Variants in DLG2 observed in about 807,000 individuals in gnomAD.
DLG2 encodes disks large homolog 2.
DLG2 carries 45 observed loss-of-function variants against 132.5 expected under a neutral mutation model. The observed-to-expected ratio is 0.34, with a 90% CI of 0.27 to 0.44. The LOEUF is 0.44. Ranked by LOEUF, DLG2 falls within the 20% of genes least tolerant of loss-of-function variation. The pLI is 1.00. For missense variants in DLG2, 1,045 were observed against 1,196.9 expected (o/e 0.87, Z 1.87); for synonymous variants, 424 against 419.6 (o/e 1.01, Z -0.13).
At chr11:84,660,811 A>C (rs546231512) in intron 6 of DLG2, among the ~76,000 whole-genome samples, 86 of 152,294 alleles carry the variant, frequency 5.6e-4, no homozygotes, top group African/African-American at 1.9e-3. Context: ...CCTTCTGACA[A>C]AGGCAAGGTG....
intron 3 of DLG2, among the ~76,000 whole-genome samples, chr11:85,352,622 C>A (rs973804169): frequency 6.6e-6 from 1 of 152,120 alleles, no homozygotes; most frequent in African/African-American, 2.4e-5. Flanking sequence ...CAGCATGGTA[C>A]TGGTACCAAA....
At chr11:85,367,343 A>G (rs1393313870) in intron 3 of DLG2, among the ~76,000 whole-genome samples, 1 of 152,106 alleles carries the variant, frequency 6.6e-6, no homozygotes, top group African/African-American at 2.4e-5. Context: ...GTTTACTTAA[A>G]CTTTCTCTAC....
chr11:84,182,367 TAAA>T (rs35822865), intron 8 of DLG2, among the ~76,000 whole-genome samples: 1 of 139,866 alleles, frequency 7.1e-6, no homozygotes, highest in African/African-American at 2.6e-5. Flanking sequence ...CCCCAACTCC[TAAA>T]AAAAAAAAAA....
At chr11:84,663,065 G>A (rs2099696296) in intron 6 of DLG2, among the ~76,000 whole-genome samples, 1 of 151,854 alleles carries the variant, frequency 6.6e-6, no homozygotes, top group South Asian at 2.1e-4. Context: ...TTTATTACCG[G>A]AAAATACATT....
At chr11:85,262,883 A>AT (rs759406687) in intron 4 of DLG2, among the ~76,000 whole-genome samples, 1 of 152,162 alleles carries the variant, frequency 6.6e-6, no homozygotes, top group Non-Finnish European at 1.5e-5. Flanking sequence ...CAGCCATGCT[A>AT]TGTTACATGA....
chr11:83,726,748 A>AAAAC (rs60924473), intron 18 of DLG2, among the ~76,000 whole-genome samples: 23,963 of 150,230 alleles, frequency 0.16, 1,994 homozygotes, highest in South Asian at 0.18. Flanking sequence ...GATCTGCCTG[A>AAAAC]AAACAAACAA....
At chr11:84,895,271 T>A (rs539991315) in intron 6 of DLG2, among the ~76,000 whole-genome samples, 1 of 152,106 alleles carries the variant, frequency 6.6e-6, no homozygotes, top group Non-Finnish European at 1.5e-5. Flanking sequence ...TGGAACCACA[T>A]TGATGCTATT....
chr11:84,389,289 T>A (rs941962484), intron 7 of DLG2, among the ~76,000 whole-genome samples: 1 of 152,086 alleles, frequency 6.6e-6, no homozygotes, highest in East Asian at 1.9e-4. Flanking sequence ...AAAGTACATA[T>A]AAATGTGAAA....
At chr11:83,482,649 T>TCAAG (rs905603037) in intron 22 of DLG2, among the ~76,000 whole-genome samples, 6 of 152,046 alleles carry the variant, frequency 3.9e-5, no homozygotes, top group Admixed American at 3.3e-4. Flanking sequence ...TTTAAACATT[T>TCAAG]CAAGCAGGAT....
At chr11:85,418,445 A>G (rs2090039173) in intron 3 of DLG2, among the ~76,000 whole-genome samples, 1 of 152,136 alleles carries the variant, frequency 6.6e-6, no homozygotes. Context: ...AGTTTTTTAG[A>G]TGTCTATTAG....
At chr11:84,428,474 G>C (rs2098974150) in intron 7 of DLG2, among the ~76,000 whole-genome samples, 1 of 152,210 alleles carries the variant, frequency 6.6e-6, no homozygotes, top group Non-Finnish European at 1.5e-5. Flanking sequence ...CAGTTCTGGA[G>C]ACTGGGAAGT....
chr11:85,295,508 T>C (rs1333125578), intron 3 of DLG2, among the ~76,000 whole-genome samples: 2 of 152,142 alleles, frequency 1.3e-5, no homozygotes, highest in African/African-American at 4.8e-5. Flanking sequence ...ATGTTAGAGA[T>C]GGAGAAACTG....
At chr11:85,139,250 C>A (rs1350271705) in intron 5 of DLG2, among the ~76,000 whole-genome samples, 1 of 152,088 alleles carries the variant, frequency 6.6e-6, no homozygotes, top group Non-Finnish European at 1.5e-5. Context: ...TTGTCCATGG[C>A]AATCTCACCA....
intron 21 of DLG2, among the ~76,000 whole-genome samples, chr11:83,495,139 G>A (rs995728379): frequency 5.3e-5 from 8 of 152,144 alleles, no homozygotes; most frequent in Non-Finnish European, 4.4e-5. Context: ...GAACGGATTA[G>A]ATGTTCAGCT....
At chr11:85,315,525 T>C (rs2080602284) in intron 3 of DLG2, among the ~76,000 whole-genome samples, 1 of 151,984 alleles carries the variant, frequency 6.6e-6, no homozygotes, top group African/African-American at 2.4e-5. Context: ...TACAACATGC[T>C]ACTATGTATT....
chr11:84,711,027 T>TAGAG (rs767455222), intron 6 of DLG2, among the ~76,000 whole-genome samples: 2 of 108,018 alleles, frequency 1.9e-5, no homozygotes, highest in Non-Finnish European at 4.0e-5. Flanking sequence ...TATATATATA[T>TAGAG]ATATAGAGCT....
rs536188053 is a variant in DLG2 at position 85,281,871 on chromosome 11, T to C, written c.186+3349A>G. Among the ~76,000 whole-genome samples the C allele has an allele frequency of 5.3e-5, 8 of 151,980 alleles. No homozygotes were observed. In the East Asian group the frequency reaches 1.4e-3, roughly 26 times the overall value. ...TCCACTGCTGGGTATATATCTAAAA[T>C]AAAGAAATTCAGTATATTGAAGAAG... On this transcript the variant is annotated intron_variant, in intron 4 of 27. Coordinates refer to ENST00000376104, the MANE Select transcript of DLG2 (RefSeq NM_001142699.3).
chr11:83,481,800 T>C (rs2093135668), intron 22 of DLG2, among the ~76,000 whole-genome samples: 1 of 152,152 alleles, frequency 6.6e-6, no homozygotes, highest in African/African-American at 2.4e-5. Flanking sequence ...GTGCCTTGAA[T>C]TGGGTAAGAC....
At chr11:84,632,310 C>T (rs779585755) in intron 6 of DLG2, among the ~76,000 whole-genome samples, 54 of 151,328 alleles carry the variant, frequency 3.6e-4, no homozygotes, top group Non-Finnish European at 2.8e-4. Flanking sequence ...ATCATTCTAC[C>T]GAGGTAGCTC....
Sources: allele counts gnomAD v4.1 joint callset (sites outside exome capture counted in the v4.1 genomes callset), GRCh38; gene constraint gnomAD v4.1.1; transcripts MANE v1.5; gene names NCBI Gene and HGNC (gene_info 2026-07-23, HGNC 2026-07-21).